Variants in ABLIM1 observed in about 807,000 individuals in gnomAD.
ABLIM1 encodes actin-binding LIM protein 1.
Under a neutral mutation model 107.0 loss-of-function variants are expected in ABLIM1, and 40 were observed. The observed-to-expected ratio is 0.37, with a 90% CI of 0.29 to 0.49. The LOEUF (loss-of-function observed/expected upper bound fraction) is 0.49. ABLIM1 is among the 20% of genes least tolerant of loss of function. ABLIM1 has a pLI of 0.97. For missense variants in ABLIM1, 857 were observed against 1,008.5 expected (o/e 0.85, Z 2.04); for synonymous variants, 357 against 357.3 (o/e 1.00, Z 0.01).
Position 114,629,004 on chromosome 10 carries a change from G to A in ABLIM1, c.245-27043C>T, listed in dbSNP as rs975056345. Among the ~76,000 whole-genome samples, 1 of 152,112 alleles carries A rather than the reference G, an allele frequency of 6.6e-6. No individual in the cohort carries two copies. Among genetic ancestry groups the A allele is most frequent in the Non-Finnish European group, 1.5e-5 (1 of 68,028 alleles). ...TGTTACAGGATACAGCAAGGGTAAG[G>A]TACCCTTGAAGACATAAGAGAAATA... On this transcript the variant is annotated intron_variant, in intron 1 of 22. Transcript: ENST00000533213. This position sits in a 1 kb window ranked among gnomAD's most constrained non-coding sequence, Gnocchi z 4.0.
At chr10:114,581,252 C>A (rs1400290912) in intron 2 of ABLIM1, among the ~76,000 whole-genome samples, 12 of 152,126 alleles carry the variant, frequency 7.9e-5, no homozygotes, top group Admixed American at 2.0e-4. Context: ...AGGAGGGGAA[C>A]AAAGTATGGG....
the ABLIM1 span, among the ~76,000 whole-genome samples, chr10:114,795,696 C>T: frequency 8.2e-5 from 12 of 145,724 alleles, no homozygotes; most frequent in African/African-American, 2.9e-4. Flanking sequence ...GCAACAAGAG[C>T]GAGACTCCAT....
At chr10:114,640,400 A>G (rs2078687195) in intron 1 of ABLIM1, among the ~76,000 whole-genome samples, 1 of 152,134 alleles carries the variant, frequency 6.6e-6, no homozygotes, top group African/African-American at 2.4e-5. Context: ...GGTGACGGGT[A>G]CCTGTAGTCC....
rs539457001 is a variant in ABLIM1 at position 114,483,306 on chromosome 10, T to C, written c.1041+4652A>G. 1.1e-3 allele frequency among the ~76,000 whole-genome samples: 165 copies of C among 152,248 alleles called. 1 individual carries two copies. Among genetic ancestry groups the C allele is most frequent in the African/African-American group, 3.8e-3 (157 of 41,550 alleles). ...TTTTTTTTGAGACAGGGTCTCACTC[T>C]GTTGCCCAGGCTGGAGTGCAGTGGC... is the stretch of plus-strand genomic sequence containing the variant. On this transcript the variant is annotated intron_variant, in intron 8 of 22. Coordinates refer to ENST00000533213, the MANE Select transcript of ABLIM1 (RefSeq NM_002313.7).
upstream of ABLIM1, among the ~76,000 whole-genome samples, chr10:114,769,311 C>A (rs565267103): frequency 1.3e-5 from 2 of 148,472 alleles, no homozygotes; most frequent in East Asian, 3.9e-4. Flanking sequence ...GCACTGCACT[C>A]CAGCCTGGGT....
chr10:114,661,112 GA>G (rs1333956943), upstream of ABLIM1, among the ~76,000 whole-genome samples: 2 of 152,128 alleles, frequency 1.3e-5, no homozygotes, highest in African/African-American at 4.8e-5. Context: ...CTGCGAAAAG[GA>G]AAAGAAAATA....
chr10:114,664,417 G>C (rs1205683548), intron 1 of ABLIM1, among the ~76,000 whole-genome samples: 1 of 152,206 alleles, frequency 6.6e-6, no homozygotes, highest in African/African-American at 2.4e-5. Context: ...TAAATACCAT[G>C]CCACTGTATC....
At chr10:114,442,747 T>G (rs1361801174) in intron 17 of ABLIM1, among the ~76,000 whole-genome samples, 1 of 152,266 alleles carries the variant, frequency 6.6e-6, no homozygotes, top group Non-Finnish European at 1.5e-5. Flanking sequence ...ATGAAAATGC[T>G]GCAGTTGCTA....
intron 8 of ABLIM1, among the ~76,000 whole-genome samples, chr10:114,477,319 C>T (rs1194562310): frequency 1.3e-5 from 2 of 152,160 alleles, no homozygotes; most frequent in African/African-American, 2.4e-5. Context: ...ACTGCAATAG[C>T]TCACTGGGTT....
intron 4 of ABLIM1, among the ~76,000 whole-genome samples, chr10:114,562,003 C>T (rs2069780965): frequency 6.6e-6 from 1 of 152,170 alleles, no homozygotes; most frequent in African/African-American, 2.4e-5. Flanking sequence ...ATTACTGTTC[C>T]TCTTTGCACT....
rs2062116794 is a variant in ABLIM1 at position 114,452,898 on chromosome 10, T to C, written c.1546+481A>G. 2.6e-5 allele frequency among the ~76,000 whole-genome samples: 4 copies of C among 152,294 alleles called. No homozygotes were observed. The South Asian group carries it at 8.3e-4, about 32-fold the overall frequency. On this transcript the variant is annotated intron_variant, in intron 13 of 22. Transcript: ENST00000533213. ...ATGCGCTGCAGAAAGACCAACCAAT[T>C]CACCCAATTCTACATCTCTCTGAAA...
Position 114,684,302 on chromosome 10 carries a change from C to CCATG in ABLIM1, c.48_51dup (p.Gly18HisfsTer25), listed in dbSNP as rs748346498. On this transcript the variant is annotated frameshift_variant, in exon 1 of 24. Transcript: ENST00000369256. LOFTEE classifies it high-confidence loss of function. ...TGGACGGTCTAACCTTTGTAGTCTC[C>CCATG]CATGGTGTGATGAGGGTCCGTGAGC... is the stretch of plus-strand genomic sequence containing the variant. 3 of 1,613,946 alleles carry CCATG rather than the reference C, an allele frequency of 1.9e-6. No individual in the cohort carries two copies. The highest frequency in any genetic ancestry group is 8.5e-7 in the Non-Finnish European group (1 of 1,179,912).
chr10:114,565,003 C>T (rs1306843304), intron 4 of ABLIM1, among the ~76,000 whole-genome samples: 1 of 152,148 alleles, frequency 6.6e-6, no homozygotes, highest in African/African-American at 2.4e-5. Context: ...TATTGTTTCC[C>T]ATTGTATAGG....
intron 1 of ABLIM1, among the ~76,000 whole-genome samples, chr10:114,738,960 T>C (rs2082237360): frequency 6.6e-6 from 1 of 152,154 alleles, no homozygotes; most frequent in East Asian, 1.9e-4. Flanking sequence ...GGGGTGAAAG[T>C]ATTGTTTCTT....
intron 8 of ABLIM1, chr10:114,485,183 C>A: frequency 1.4e-6 from 1 of 709,834 alleles, no homozygotes; most frequent in Non-Finnish European, 2.1e-6. Context: ...AGAAAAGCAT[C>A]TGCTTTCTGC....
chr10:114,697,082 TG>T (rs958541388), intron 1 of ABLIM1, among the ~76,000 whole-genome samples: 9 of 152,272 alleles, frequency 5.9e-5, no homozygotes, highest in African/African-American at 2.2e-4. Context: ...CAGGGCACTC[TG>T]GGGGAGGAAG....
intron 1 of ABLIM1, among the ~76,000 whole-genome samples, chr10:114,764,342 T>TTGC (rs2082828876): frequency 6.6e-6 from 1 of 152,202 alleles, no homozygotes; most frequent in Non-Finnish European, 1.5e-5. Flanking sequence ...AAAAATAAAG[T>TTGC]TGCTTTTCTT....
rs745328862 is a variant in ABLIM1 at position 114,473,050 on chromosome 10, G to A, written c.1202C>T (p.Pro401Leu). The change falls in exon 10 of 23, where the codon CCA becomes CTA. Residue 401 changes from proline (P) to leucine (L), a missense_variant. By Grantham distance (98) the Pro-to-Leu change is moderately conservative. Transcript: ENST00000533213. ...GAAAGGCTCATAGGTAATAAGATCTGGACGTTCAATGTCATAAATTGCCTT... is the reference window on the plus strand; with the variant it reads ...GAAAGGCTCATAGGTAATAAGATCTAGACGTTCAATGTCATAAATTGCCTT... Reference protein sequence around the residue: ...KVKAIYDIERPDLITYEPFYT... With the variant: ...KVKAIYDIERLDLITYEPFYT... The A allele has an allele frequency of 6.2e-7, 1 of 1,613,470 alleles. No individual in the cohort carries two copies. Among genetic ancestry groups the A allele is most frequent in the Non-Finnish European group, 8.5e-7 (1 of 1,179,684 alleles).
At chr10:114,574,693 C>T (rs1350332153) in intron 3 of ABLIM1, among the ~76,000 whole-genome samples, 4 of 152,126 alleles carry the variant, frequency 2.6e-5, no homozygotes, top group Non-Finnish European at 4.4e-5. Flanking sequence ...GTACCTGCCT[C>T]GGCCTCCCAA....
Sources: allele counts gnomAD v4.1 joint callset (sites outside exome capture counted in the v4.1 genomes callset), GRCh38; gene constraint gnomAD v4.1.1; non-coding constraint Gnocchi (gnomAD v3.1); transcripts MANE v1.5; gene names NCBI Gene and HGNC (gene_info 2026-07-23, HGNC 2026-07-21).